The following SRRM4 variants were observed in gnomAD, a reference collection of about 807,000 sequenced individuals.
The protein encoded by SRRM4 is serine/arginine repetitive matrix 4.
SRRM4 carries 33 observed loss-of-function variants against 68.9 expected under a neutral mutation model. That is an observed-to-expected ratio of 0.48 (90% CI 0.36 to 0.64). SRRM4 has a LOEUF of 0.64. Ranked by LOEUF, SRRM4 falls within the 30% of genes least tolerant of loss-of-function variation. The pLI is 0.00. For missense variants in SRRM4, 817 were observed against 827.1 expected, an observed-to-expected ratio of 0.99 and a Z score of 0.15; for synonymous variants, 318 against 318.8, an observed-to-expected ratio of 1.00 and a Z score of 0.03.
At chr12:119,011,070 C>G (rs768095963) in intron 1 of SRRM4, among the ~76,000 whole-genome samples, 10 of 152,072 alleles carry the variant, frequency 6.6e-5, no homozygotes, top group Non-Finnish European at 1.5e-4. Context: ...CTGTCAATGA[C>G]AGCATCACAT....
chr12:119,139,569 T>A (rs371724170), intron 8 of SRRM4, among the ~76,000 whole-genome samples: 1 of 152,178 alleles, frequency 6.6e-6, no homozygotes, highest in Non-Finnish European at 1.5e-5. Context: ...CAGGAATGAA[T>A]GTCTTCAGGT....
chr12:119,040,120 G>GA (rs926992445), intron 1 of SRRM4, among the ~76,000 whole-genome samples: 1 of 151,638 alleles, frequency 6.6e-6, no homozygotes, highest in East Asian at 1.9e-4. Context: ...GAGGAAAGGA[G>GA]AAAAAAAGGC....
At chr12:119,054,514 A>C (rs550860588) in intron 1 of SRRM4, among the ~76,000 whole-genome samples, 1 of 152,334 alleles carries the variant, frequency 6.6e-6, no homozygotes, top group East Asian at 1.9e-4. Flanking sequence ...CATGCACTTA[A>C]CCATTCTCAG....
At chr12:119,136,030 A>C (rs1954325763) in intron 8 of SRRM4, among the ~76,000 whole-genome samples, 1 of 152,142 alleles carries the variant, frequency 6.6e-6, no homozygotes, top group South Asian at 2.1e-4. Flanking sequence ...TCTGTGTGAA[A>C]AAAAGTATCC....
chr12:119,009,352 A>G (rs904012970), intron 1 of SRRM4, among the ~76,000 whole-genome samples: 2 of 152,150 alleles, frequency 1.3e-5, no homozygotes, highest in African/African-American at 4.8e-5. Flanking sequence ...CCGATGGGGA[A>G]GAGATGGTAG....
intron 1 of SRRM4, among the ~76,000 whole-genome samples, chr12:119,082,045 G>A (rs1953952150): frequency 6.6e-6 from 1 of 152,216 alleles, no homozygotes; most frequent in Admixed American, 6.5e-5. Flanking sequence ...CCACACAGTA[G>A]CTGACAGCCA....
At chr12:119,107,939 A>T (rs1032759473) in intron 2 of SRRM4, among the ~76,000 whole-genome samples, 1 of 151,904 alleles carries the variant, frequency 6.6e-6, no homozygotes, top group African/African-American at 2.4e-5. Flanking sequence ...CCTGCTTTCT[A>T]TTGTGGGCAT....
chr12:119,107,022 G>A (rs1265073442), intron 2 of SRRM4, among the ~76,000 whole-genome samples: 2 of 152,136 alleles, frequency 1.3e-5, no homozygotes, highest in Admixed American at 6.6e-5. Context: ...AGCATGAAGG[G>A]TGGTTGAATT....
intron 1 of SRRM4, among the ~76,000 whole-genome samples, chr12:119,080,894 A>AT (rs1953943760): frequency 1.3e-5 from 2 of 152,230 alleles, no homozygotes; most frequent in Non-Finnish European, 2.9e-5. Flanking sequence ...AGCCCCATGC[A>AT]TAAACCCAAG....
At chr12:119,130,965 C>A in intron 8 of SRRM4, 131 bp downstream of exon 8, 1 of 992,294 alleles carries the variant, frequency 1.0e-6, no homozygotes, top group Non-Finnish European at 1.4e-6. Context: ...GGCTCCAGAC[C>A]TCATTAATGA....
chr12:119,116,820 T>C, intron 3 of SRRM4, 117 bp from the exon 4 acceptor site: 1 of 706,924 alleles, frequency 1.4e-6, no homozygotes, highest in South Asian at 1.9e-5. Context: ...ATATTATCTT[T>C]GATGTGTGTT....
chr12:119,105,861 A>G (rs9795944), intron 2 of SRRM4, among the ~76,000 whole-genome samples: 11,727 of 152,214 alleles, frequency 0.077, 502 homozygotes, highest in Admixed American at 0.1. Context: ...TTTTGTTGCC[A>G]TTGCTTTTGG....
intron 1 of SRRM4, among the ~76,000 whole-genome samples, chr12:119,022,498 C>A (rs1953522572): frequency 6.6e-6 from 1 of 152,160 alleles, no homozygotes; most frequent in Non-Finnish European, 1.5e-5. Context: ...GAAATGTAAG[C>A]CAGATGCCAA....
intron 1 of SRRM4, among the ~76,000 whole-genome samples, chr12:119,040,165 A>G (rs1953657233): frequency 6.6e-6 from 1 of 152,072 alleles, no homozygotes; most frequent in African/African-American, 2.4e-5. Context: ...AAGAACAATA[A>G]TAATAATAGC....
chr12:119,037,387 G>A (rs1461222832), intron 1 of SRRM4, among the ~76,000 whole-genome samples: 1 of 152,156 alleles, frequency 6.6e-6, no homozygotes, highest in African/African-American at 2.4e-5. Context: ...TGGGGAGGCT[G>A]GGAGGCAGGG....
In SRRM4 at chr12:119,159,674, C is replaced by A. The variant is rs1044487167; in HGVS notation, c.*2876C>A. 1 of 152,286 alleles carries A rather than the reference C, an allele frequency of 6.6e-6. No individual in the cohort carries two copies. The allele number at this position is 152,286 out of a possible 1,614,324, so 9.4% of individuals were successfully genotyped here. On this transcript the variant is annotated 3_prime_UTR_variant, in exon 13 of 13. Transcript: ENST00000267260. Reference sequence around the variant, plus strand: ...ATAGCAGGATCACTCCCTAGCTTCTCTGAGCACACCTAGTTGGTTTCATGT... The same window carrying A: ...ATAGCAGGATCACTCCCTAGCTTCTATGAGCACACCTAGTTGGTTTCATGT...
intron 1 of SRRM4, among the ~76,000 whole-genome samples, chr12:119,045,486 T>TC (rs1186917394): frequency 0.019 from 398 of 21,374 alleles, 3 homozygotes; most frequent in African/African-American, 0.058. Context: ...ACTCCCCCGC[T>TC]CCCCCCCGCC....
chr12:119,075,946 G>A (rs1264033528), intron 1 of SRRM4, among the ~76,000 whole-genome samples: 1 of 150,910 alleles, frequency 6.6e-6, no homozygotes, highest in African/African-American at 2.4e-5. Context: ...TGATGATGAT[G>A]GTGGTAATGA....
At chr12:119,132,210 G>A (rs1159108105) in intron 8 of SRRM4, 1 of 152,092 alleles carries the variant, frequency 6.6e-6, no homozygotes, top group African/African-American at 2.4e-5. Flanking sequence ...TATCCAAAAA[G>A]GGGTCTTCCC....
Sources: allele counts gnomAD v4.1 joint callset (sites outside exome capture counted in the v4.1 genomes callset), GRCh38; gene constraint gnomAD v4.1.1; transcripts MANE v1.5; gene names NCBI Gene and HGNC (gene_info 2026-07-23, HGNC 2026-07-21).